The following CFAP20DC variants were observed in gnomAD, a reference collection of about 807,000 sequenced individuals.
The protein encoded by CFAP20DC is protein CFAP20DC.
In CFAP20DC, 84 loss-of-function variants were observed where a neutral mutation model predicts 101.7. The ratio of observed to expected loss-of-function variants is 0.83; its 90% confidence interval spans 0.69 to 0.99. The LOEUF (loss-of-function observed/expected upper bound fraction) is 0.99. CFAP20DC is among the 50% of genes least tolerant of loss of function. The pLI, the probability that CFAP20DC is intolerant of heterozygous loss-of-function variation, is 0.00. For missense variants in CFAP20DC, 1,007 were observed against 970.3 expected, an observed-to-expected ratio of 1.04 and a Z score of -0.50; for synonymous variants, 359 against 351.2, an observed-to-expected ratio of 1.02 and a Z score of -0.25.
At chr3:58,901,349 G>A (rs1443244812) in intron 6 of CFAP20DC, among the ~76,000 whole-genome samples, 1 of 152,154 alleles carries the variant, frequency 6.6e-6, no homozygotes, top group Admixed American at 6.5e-5. Context: ...ACAGGCTCTG[G>A]GGCAAGGCTT....
intron 14 of CFAP20DC, 122 bp downstream of exon 14, chr3:58,831,564 T>G: frequency 1.4e-6 from 1 of 712,180 alleles, no homozygotes; most frequent in South Asian, 1.8e-5. Context: ...TGGACTCTGA[T>G]TATTTCTCAT....
rs148692643 is a variant in CFAP20DC, at chr3:58,917,532, C to T, written c.394-3668G>A. On this transcript the variant is annotated intron_variant, in intron 5 of 16. Coordinates refer to ENST00000482387, the MANE Select transcript of CFAP20DC (RefSeq NM_001394063.1). ...TTCATACCCTGGCAATCCTAAAGTA[C>T]ATCTCTTCCCAGAGTTTTAGAACCT... 3.9e-5 allele frequency among the ~76,000 whole-genome samples: 6 copies of T among 152,272 alleles called. No individual in the cohort carries two copies. The East Asian group carries it at 9.6e-4, about 24-fold the overall frequency.
At chr3:59,039,435 G>A (rs974905780) in intron 4 of CFAP20DC, 122 bp downstream of exon 4, 7 of 607,456 alleles carry the variant, frequency 1.2e-5, no homozygotes, top group Non-Finnish European at 1.4e-5. Context: ...ATGTTGACTT[G>A]ATGTAAGTCA....
chr3:58,843,172 T>C (rs1339099268), intron 13 of CFAP20DC, among the ~76,000 whole-genome samples: 1 of 152,174 alleles, frequency 6.6e-6, no homozygotes, highest in African/African-American at 2.4e-5. Context: ...AGAATGACTT[T>C]GATGAGCTGA....
At chr3:58,890,049 T>G (rs1456150832) in intron 6 of CFAP20DC, among the ~76,000 whole-genome samples, 1 of 150,046 alleles carries the variant, frequency 6.7e-6, no homozygotes, top group East Asian at 2.0e-4. Context: ...TCCTGGCCCG[T>G]TCTCAATGAG....
chr3:58,773,617 T>G (rs1379281912), intron 15 of CFAP20DC, among the ~76,000 whole-genome samples: 3 of 152,124 alleles, frequency 2.0e-5, no homozygotes, highest in African/African-American at 7.2e-5. Context: ...TTTTGGGTCT[T>G]TACAAATATT....
intron 4 of CFAP20DC, among the ~76,000 whole-genome samples, chr3:59,033,789 C>T (rs753707820): frequency 5.3e-5 from 8 of 152,114 alleles, no homozygotes; most frequent in Non-Finnish European, 8.8e-5. Flanking sequence ...GGATATTAAC[C>T]AGGAGAACTT....
At chr3:58,935,818 C>G (rs1211822933) in intron 5 of CFAP20DC, among the ~76,000 whole-genome samples, 1 of 152,128 alleles carries the variant, frequency 6.6e-6, no homozygotes, top group Non-Finnish European at 1.5e-5. Context: ...ACCATAAAAA[C>G]CCTAGAAGAA....
At chr3:58,757,596 C>T (rs573087683) in intron 15 of CFAP20DC, among the ~76,000 whole-genome samples, 37 of 152,102 alleles carry the variant, frequency 2.4e-4, no homozygotes, top group African/African-American at 8.2e-4. Context: ...TTTATAAAGC[C>T]TTTCCCTACA....
intron 15 of CFAP20DC, among the ~76,000 whole-genome samples, chr3:58,765,027 T>C (rs1253441722): frequency 6.6e-6 from 1 of 152,218 alleles, no homozygotes; most frequent in African/African-American, 2.4e-5. Context: ...ATTGATTTAA[T>C]ACTAAAATCT....
At chr3:59,047,389 C>A (rs1405675257) in intron 1 of CFAP20DC, 135 bp from the exon 2 acceptor site, 2 of 602,866 alleles carry the variant, frequency 3.3e-6, no homozygotes, top group African/African-American at 3.7e-5. Context: ...GTTATTACTC[C>A]TACTTTATAC....
At chr3:58,783,770 C>A (rs1318903059) in intron 15 of CFAP20DC, among the ~76,000 whole-genome samples, 1 of 151,866 alleles carries the variant, frequency 6.6e-6, no homozygotes, top group Non-Finnish European at 1.5e-5. Context: ...GTCAGAATGG[C>A]TATTACTAAA....
downstream of CFAP20DC, among the ~76,000 whole-genome samples, chr3:58,740,532 G>T (rs992590630): frequency 6.6e-6 from 1 of 152,146 alleles, no homozygotes; most frequent in Non-Finnish European, 1.5e-5. The surrounding 1 kb of genome is among the most constrained non-coding windows in gnomAD (Gnocchi z 4.6). Flanking sequence ...GCAAGTCTTT[G>T]AATTCTGGGA....
At chr3:58,758,645 G>A (rs1462172658) in intron 15 of CFAP20DC, among the ~76,000 whole-genome samples, 5 of 151,908 alleles carry the variant, frequency 3.3e-5, no homozygotes, top group South Asian at 2.1e-4. Context: ...CCATTAACTC[G>A]TCATTTAGCA....
intron 6 of CFAP20DC, among the ~76,000 whole-genome samples, chr3:58,891,275 G>C (rs934001236): frequency 6.6e-6 from 1 of 151,412 alleles, no homozygotes; most frequent in Non-Finnish European, 1.5e-5. Flanking sequence ...CCAGTCAGGC[G>C]TGGCGGCGCG....
intron 7 of CFAP20DC, among the ~76,000 whole-genome samples, chr3:58,878,589 T>G (rs996267709): frequency 6.6e-6 from 1 of 152,060 alleles, no homozygotes; most frequent in African/African-American, 2.4e-5. Flanking sequence ...TTACAAGCCG[T>G]GGTAGATAAT....
At chr3:58,877,351 T>C (rs2080837481) in intron 7 of CFAP20DC, among the ~76,000 whole-genome samples, 1 of 152,246 alleles carries the variant, frequency 6.6e-6, no homozygotes, top group Admixed American at 6.5e-5. Context: ...TACATGATTA[T>C]AGCTGTGATA....
intron 4 of CFAP20DC, among the ~76,000 whole-genome samples, chr3:58,979,830 T>A (rs865852558): frequency 2.0e-5 from 3 of 151,390 alleles, no homozygotes; most frequent in South Asian, 2.1e-4. Flanking sequence ...TTTTTTTTTT[T>A]ATGGAGAATC....
intron 15 of CFAP20DC, among the ~76,000 whole-genome samples, chr3:58,769,914 T>G (rs1033802052): frequency 2.6e-5 from 4 of 152,216 alleles, no homozygotes; most frequent in African/African-American, 9.6e-5. Flanking sequence ...CTCCTGCCTA[T>G]GTCTTTATTA....
Sources: gnomAD v4.1 joint callset for allele counts (sites outside exome capture counted in the v4.1 genomes callset) on GRCh38, gnomAD v4.1.1 for gene constraint, Gnocchi (gnomAD v3.1) non-coding constraint, MANE v1.5 for transcripts, NCBI Gene and HGNC (gene_info 2026-07-23, HGNC 2026-07-21) for gene names.